CNTNAP2: variants seen among roughly 807,000 people sequenced by gnomAD.
The protein encoded by CNTNAP2 is contactin associated protein 2.
Under a neutral mutation model 155.2 loss-of-function variants are expected in CNTNAP2, and 98 were observed. The ratio of observed to expected loss-of-function variants is 0.63; its 90% confidence interval spans 0.54 to 0.75. The LOEUF (loss-of-function observed/expected upper bound fraction) is 0.75, where lower values mean the gene tolerates loss of function less well. Ranked by LOEUF, CNTNAP2 falls within the 30% of genes least tolerant of loss-of-function variation. The probability of loss-of-function intolerance (pLI) is 0.00; values close to 1 mark genes in which losing one functional copy is unlikely to be tolerated. For missense variants in CNTNAP2, 1,727 were observed against 1,688.1 expected, an observed-to-expected ratio of 1.02 and a Z score of -0.40; for synonymous variants, 651 against 631.2, an observed-to-expected ratio of 1.03 and a Z score of -0.47.
intron 4 of CNTNAP2, among the ~76,000 whole-genome samples, chr7:147,047,190 G>T (rs1257893030): frequency 1.5e-5 from 2 of 129,962 alleles, no homozygotes; most frequent in African/African-American, 2.9e-5. Flanking sequence ...CTCACTGCAT[G>T]CTCTGCCTCC....
intron 13 of CNTNAP2, among the ~76,000 whole-genome samples, chr7:147,895,024 G>A (rs184229911): frequency 7.9e-6 from 1 of 125,810 alleles, no homozygotes; most frequent in African/African-American, 3.1e-5. Flanking sequence ...AGGCTGGAGT[G>A]CAGTGGCACA....
At chr7:147,499,968 G>A (rs545109055) in intron 11 of CNTNAP2, among the ~76,000 whole-genome samples, 3 of 152,158 alleles carry the variant, frequency 2.0e-5, no homozygotes, top group East Asian at 1.9e-4. Flanking sequence ...AAGTAGAAAT[G>A]TATCTATTTT....
intron 10 of CNTNAP2, among the ~76,000 whole-genome samples, chr7:147,456,147 C>A (rs953580888): frequency 4.6e-5 from 7 of 152,080 alleles, no homozygotes; most frequent in African/African-American, 1.2e-4. Context: ...AGTATTTAGC[C>A]AGCATCTTCC....
intron 13 of CNTNAP2, 74 bp from the exon 14 acceptor site, chr7:147,903,491 A>G: frequency 6.8e-7 from 1 of 1,472,642 alleles, no homozygotes; most frequent in Non-Finnish European, 9.5e-7. Flanking sequence ...TTCCTGGGGA[A>G]GTGGGTGTAA....
chr7:147,855,105 A>G (rs1390042184), intron 13 of CNTNAP2, among the ~76,000 whole-genome samples: 1 of 152,204 alleles, frequency 6.6e-6, no homozygotes, highest in Non-Finnish European at 1.5e-5. Context: ...TTAATTACAT[A>G]TGCGGCTCAC....
chr7:147,340,062 C>G (rs1156895391), intron 9 of CNTNAP2, among the ~76,000 whole-genome samples: 1 of 152,158 alleles, frequency 6.6e-6, no homozygotes, highest in Non-Finnish European at 1.5e-5. Flanking sequence ...TCCACCCTTT[C>G]TGTTTCGCTT....
chr7:146,514,395 C>G (rs562861223), intron 1 of CNTNAP2, among the ~76,000 whole-genome samples: 2 of 152,122 alleles, frequency 1.3e-5, no homozygotes, highest in Middle Eastern at 3.4e-3. Flanking sequence ...TTCTCTAGAT[C>G]TCATAGGCGT....
At position 148,418,432 on chromosome 7, in the gene CNTNAP2, T is replaced by C. The variant is rs1800041581; in HGVS notation, c.*2816T>C. ...TAGTAGCCTCTTTAAATAATATGTATAGACAACAACAACGACAAAAAATAG... is the reference window on the plus strand; with the variant it reads ...TAGTAGCCTCTTTAAATAATATGTACAGACAACAACAACGACAAAAAATAG... On this transcript the variant is annotated 3_prime_UTR_variant, in exon 24 of 24. Transcript: ENST00000361727. 1 of 152,156 alleles carries C rather than the reference T, an allele frequency of 6.6e-6. No individual in the cohort carries two copies. Among genetic ancestry groups the C allele is most frequent in the Non-Finnish European group, 1.5e-5 (1 of 68,034 alleles). 9.4% of individuals were successfully genotyped at this position (152,156 alleles called of 1,614,324 possible).
At chr7:146,745,707 A>C (rs1801798030) in intron 1 of CNTNAP2, among the ~76,000 whole-genome samples, 2 of 151,086 alleles carry the variant, frequency 1.3e-5, no homozygotes, top group African/African-American at 2.4e-5. Context: ...TGGAGATTGC[A>C]GTAAACTGAG....
intron 13 of CNTNAP2, among the ~76,000 whole-genome samples, chr7:147,770,953 T>C (rs1341068210): frequency 5.9e-5 from 9 of 152,074 alleles, no homozygotes; most frequent in Admixed American, 5.2e-4. Context: ...TAAAAGCTTA[T>C]TGTAAAGAAA....
intron 9 of CNTNAP2, among the ~76,000 whole-genome samples, chr7:147,357,013 T>G (rs1423852179): frequency 6.6e-6 from 1 of 151,994 alleles, no homozygotes. Context: ...TGTCTTTCAT[T>G]CAAACTCTGA....
intron 10 of CNTNAP2, among the ~76,000 whole-genome samples, chr7:147,483,988 AGGCCCGGGT>A (rs1370373712): frequency 1.5e-5 from 2 of 134,590 alleles, no homozygotes; most frequent in East Asian, 4.5e-4. Context: ...TCTTCTTTTC[AGGCCCGGGT>A]GAAATGTTCT....
intron 13 of CNTNAP2, among the ~76,000 whole-genome samples, chr7:147,724,686 T>G (rs1796617437): frequency 6.6e-6 from 1 of 152,078 alleles, no homozygotes. Context: ...CTAACCCTTC[T>G]GGATAATACG....
intron 1 of CNTNAP2, among the ~76,000 whole-genome samples, chr7:146,539,479 A>G (rs549703753): frequency 1.3e-5 from 2 of 152,196 alleles, no homozygotes; most frequent in South Asian, 4.1e-4. Context: ...AAATGATGGT[A>G]AAATGGTTAA....
At chr7:146,689,889 G>T (rs1244836799) in intron 1 of CNTNAP2, among the ~76,000 whole-genome samples, 1 of 151,950 alleles carries the variant, frequency 6.6e-6, no homozygotes, top group African/African-American at 2.4e-5. Context: ...ATATATCAAT[G>T]AGTTACTACT....
At chr7:147,433,666 G>C (rs187126816) in intron 10 of CNTNAP2, among the ~76,000 whole-genome samples, 1 of 152,204 alleles carries the variant, frequency 6.6e-6, no homozygotes, top group African/African-American at 2.4e-5. Context: ...AAAATTTGTT[G>C]TGAACAAGGT....
At chr7:146,477,476 A>G (rs997134960) in intron 1 of CNTNAP2, among the ~76,000 whole-genome samples, 7 of 152,276 alleles carry the variant, frequency 4.6e-5, no homozygotes, top group East Asian at 1.9e-4. Flanking sequence ...TGTTACAAAA[A>G]GGGATGCCAT....
chr7:146,822,931 A>G (rs1244895902), intron 2 of CNTNAP2, among the ~76,000 whole-genome samples: 1 of 132,804 alleles, frequency 7.5e-6, no homozygotes, highest in East Asian at 2.3e-4. Context: ...TTACATGGAA[A>G]TATACTCATT....
chr7:147,107,211 T>C (rs1346206782), intron 4 of CNTNAP2, among the ~76,000 whole-genome samples: 1 of 152,196 alleles, frequency 6.6e-6, no homozygotes, highest in Non-Finnish European at 1.5e-5. Flanking sequence ...CATTGCATTT[T>C]GAATCATTCT....
Sources: allele counts gnomAD v4.1 joint callset (sites outside exome capture counted in the v4.1 genomes callset), GRCh38; gene constraint gnomAD v4.1.1; transcripts MANE v1.5; gene names NCBI Gene and HGNC (gene_info 2026-07-23, HGNC 2026-07-21).